The following SUGCT variants were observed in gnomAD, a reference collection of about 807,000 sequenced individuals.
SUGCT encodes the protein succinyl-CoA:glutarate-CoA transferase.
Under a neutral mutation model 55.0 loss-of-function variants are expected in SUGCT, and 41 were observed. That is an observed-to-expected ratio of 0.74 (90% CI 0.58 to 0.97). The LOEUF (loss-of-function observed/expected upper bound fraction) is 0.97, where lower values mean the gene tolerates loss of function less well. Ranked by LOEUF, SUGCT falls within the 50% of genes least tolerant of loss-of-function variation. The pLI is 0.00. For synonymous variants in SUGCT, 187 were observed against 200.4 expected (o/e 0.93, Z 0.56); for missense variants, 568 against 547.8 (o/e 1.04, Z -0.37).
intron 8 of SUGCT, among the ~76,000 whole-genome samples, chr7:40,304,732 AAT>A (rs1794753036): frequency 1.7e-4 from 2 of 11,794 alleles, no homozygotes; most frequent in South Asian, 7.2e-3. Context: ...TAATAATAAT[AAT>A]AATAATAATA....
chr7:40,960,978 T>G, the SUGCT span, among the ~76,000 whole-genome samples: 7 of 152,198 alleles, frequency 4.6e-5, no homozygotes, highest in Non-Finnish European at 8.8e-5. Context: ...CAAGGATTTT[T>G]GAAGTTGCAT....
chr7:40,989,521 C>A, the SUGCT span, among the ~76,000 whole-genome samples: 7 of 151,848 alleles, frequency 4.6e-5, no homozygotes, highest in African/African-American at 1.7e-4. Context: ...AATCCCAGAA[C>A]TTTGGGAGGC....
intron 12 of SUGCT, among the ~76,000 whole-genome samples, chr7:40,608,763 A>C (rs1302014338): frequency 6.6e-6 from 1 of 152,152 alleles, no homozygotes; most frequent in Non-Finnish European, 1.5e-5. Context: ...AAGCTTACAA[A>C]GTCTGTTTTA....
At chr7:40,435,907 T>G (rs2151395481) in intron 9 of SUGCT, among the ~76,000 whole-genome samples, 1 of 151,764 alleles carries the variant, frequency 6.6e-6, no homozygotes, top group Middle Eastern at 3.4e-3. Flanking sequence ...CCATATGCCA[T>G]ACTTTATCTT....
At chr7:40,617,585 A>C (rs184182868) in intron 12 of SUGCT, among the ~76,000 whole-genome samples, 1 of 152,052 alleles carries the variant, frequency 6.6e-6, no homozygotes, top group Admixed American at 6.6e-5. Context: ...AAGGCACTTA[A>C]CTTTTATGAA....
At chr7:40,898,519 C>T in the SUGCT span, among the ~76,000 whole-genome samples, 1,390 of 121,664 alleles carry the variant, frequency 0.011, 41 homozygotes, top group African/African-American at 0.038. Flanking sequence ...GTCAGGAGAT[C>T]GAGACCATCC....
intron 8 of SUGCT, among the ~76,000 whole-genome samples, chr7:40,284,109 C>G (rs1025133851): frequency 2.1e-5 from 3 of 140,924 alleles, no homozygotes; most frequent in African/African-American, 8.1e-5. Context: ...CTCATAGAGG[C>G]AGAGACTAGA....
chr7:40,606,340 G>T (rs556433177), intron 12 of SUGCT, among the ~76,000 whole-genome samples: 2 of 152,284 alleles, frequency 1.3e-5, no homozygotes, highest in Non-Finnish European at 2.9e-5. Context: ...TGCTGCAGTC[G>T]TGAGTTTCAC....
In SUGCT at chr7:40,190,774, G is replaced by A. The variant is rs146685390; in HGVS notation, c.363+1180G>A. 3.7e-3 allele frequency among the ~76,000 whole-genome samples: 557 copies of A among 152,212 alleles called. 3 individuals are homozygous for A. The highest frequency in any genetic ancestry group is 0.013 in the African/African-American group (519 of 41,510). On this transcript the variant is annotated intron_variant, in intron 5 of 13. Coordinates refer to ENST00000335693, the MANE Select transcript of SUGCT (RefSeq NM_001193313.2). ...GTATTCTTCTGTATTCAGGGGATTG[G>A]TTCTACTAGAACCTCCACATATACC...
chr7:40,188,000 A>G (rs1785635741), intron 3 of SUGCT, among the ~76,000 whole-genome samples: 1 of 152,052 alleles, frequency 6.6e-6, no homozygotes, highest in African/African-American at 2.4e-5. Flanking sequence ...CCCTGTCTCT[A>G]CTAAAAATAC....
intron 12 of SUGCT, among the ~76,000 whole-genome samples, chr7:40,514,346 C>A (rs1390436145): frequency 2.0e-5 from 3 of 151,754 alleles, no homozygotes; most frequent in Admixed American, 2.0e-4. Flanking sequence ...ATGCTAAGCA[C>A]CAGGGGAAAA....
At chr7:40,402,232 G>C (rs1786111424) in intron 9 of SUGCT, among the ~76,000 whole-genome samples, 1 of 151,816 alleles carries the variant, frequency 6.6e-6, no homozygotes, top group Non-Finnish European at 1.5e-5. Context: ...GTGCTATTAA[G>C]CATTCTGTAA....
chr7:40,207,997 A>G (rs570744906), intron 6 of SUGCT, among the ~76,000 whole-genome samples: 2 of 152,336 alleles, frequency 1.3e-5, no homozygotes, highest in Non-Finnish European at 2.9e-5. Context: ...ATGGAATATT[A>G]TTCAGCCTTA....
chr7:40,268,731 CT>C (rs1294254783), intron 7 of SUGCT, among the ~76,000 whole-genome samples: 1 of 151,886 alleles, frequency 6.6e-6, no homozygotes, highest in East Asian at 1.9e-4. Flanking sequence ...CCCACTGCAA[CT>C]TCTGCCTCCC....
intron 13 of SUGCT, among the ~76,000 whole-genome samples, chr7:40,759,526 A>G (rs1350453656): frequency 1.3e-5 from 2 of 152,156 alleles, no homozygotes; most frequent in African/African-American, 2.4e-5. Flanking sequence ...ATACCAACCA[A>G]TGTTAGTGTT....
At chr7:40,559,654 T>A (rs1056869562) in intron 12 of SUGCT, among the ~76,000 whole-genome samples, 5 of 152,260 alleles carry the variant, frequency 3.3e-5, no homozygotes, top group African/African-American at 1.2e-4. Context: ...CTTTTTCATC[T>A]TTGTTTGCTA....
chr7:40,145,371 G>A (rs185922564), intron 1 of SUGCT, among the ~76,000 whole-genome samples: 157 of 151,226 alleles, frequency 1.0e-3, no homozygotes, highest in African/African-American at 3.5e-3. Context: ...TTTTTTTCAC[G>A]ACTTTCACAG....
At chr7:40,950,881 G>A in the SUGCT span, among the ~76,000 whole-genome samples, 11 of 152,120 alleles carry the variant, frequency 7.2e-5, no homozygotes, top group South Asian at 2.1e-4. Flanking sequence ...GAGGATTTTT[G>A]CATCGATGTT....
chr7:40,164,058 G>A (rs1049753538), intron 1 of SUGCT, among the ~76,000 whole-genome samples: 5 of 151,546 alleles, frequency 3.3e-5, no homozygotes, highest in African/African-American at 1.2e-4. Flanking sequence ...GGCCTCAGGC[G>A]ATCTGTCCAC....
Sources: allele counts gnomAD v4.1 joint callset (sites outside exome capture counted in the v4.1 genomes callset), GRCh38; gene constraint gnomAD v4.1.1; transcripts MANE v1.5; gene names NCBI Gene and HGNC (gene_info 2026-07-23, HGNC 2026-07-21).